Variants in MRPS9 observed in about 807,000 individuals in gnomAD.
MRPS9 encodes small ribosomal subunit protein uS9m.
Under a neutral mutation model 59.9 loss-of-function variants are expected in MRPS9, and 45 were observed. The observed-to-expected ratio is 0.75, with a 90% CI of 0.59 to 0.96. MRPS9 has a LOEUF of 0.96. MRPS9 is among the 40% of genes least tolerant of loss of function. MRPS9 has a pLI of 0.00. For missense variants in MRPS9, 473 were observed against 481.1 expected, an observed-to-expected ratio of 0.98 and a Z score of 0.16; for synonymous variants, 171 against 166.8, an observed-to-expected ratio of 1.03 and a Z score of -0.19.
intron 5 of MRPS9, among the ~76,000 whole-genome samples, chr2:105,082,580 G>A (rs3924668): frequency 0.41 from 62,401 of 152,072 alleles, 12,848 homozygotes; most frequent in East Asian, 0.45. Flanking sequence ...CCTGTTTCCA[G>A]TTGACCTATA....
intron 4 of MRPS9, among the ~76,000 whole-genome samples, chr2:105,072,511 ATACT>A (rs924867345): frequency 4.5e-4 from 69 of 152,224 alleles, no homozygotes; most frequent in African/African-American, 1.5e-3. Flanking sequence ...TATTTATGTA[ATACT>A]TAATTCATGT....
chr2:105,047,313 A>T (rs1298349651), intron 1 of MRPS9, among the ~76,000 whole-genome samples: 1 of 152,104 alleles, frequency 6.6e-6, no homozygotes, highest in Non-Finnish European at 1.5e-5. Flanking sequence ...ATTAAAAAGT[A>T]AGAAGAAACT....
Position 105,079,965 on chromosome 2 carries a change from C to T in MRPS9, c.410-18C>T. ...TGTGTATATTTTTATTTGCTTTCAT[C>T]TGGCTTTTTTAAATCAGCAATCCAG... On this transcript the variant is annotated intron_variant, in intron 4 of 10. Transcript: ENST00000258455. 1 of 1,600,816 alleles carries T rather than the reference C, an allele frequency of 6.2e-7. No homozygotes were observed. The highest frequency in any genetic ancestry group is 8.5e-7 in the Non-Finnish European group (1 of 1,170,948).
chr2:105,083,708 T>G (rs776828755), intron 5 of MRPS9, among the ~76,000 whole-genome samples: 7 of 152,184 alleles, frequency 4.6e-5, no homozygotes, highest in Non-Finnish European at 8.8e-5. Flanking sequence ...AAAGAGGCTC[T>G]GAAGTGGTGT....
At chr2:105,050,497 GCTGCTGTCCT>G (rs1468635824) in intron 2 of MRPS9, among the ~76,000 whole-genome samples, 1 of 152,118 alleles carries the variant, frequency 6.6e-6, no homozygotes, top group Non-Finnish European at 1.5e-5. Flanking sequence ...GGACTTTGTA[GCTGCTGTCCT>G]CTTTTTGAGT....
chr2:105,080,939 T>C (rs953445265), intron 5 of MRPS9, among the ~76,000 whole-genome samples: 5 of 152,148 alleles, frequency 3.3e-5, no homozygotes, highest in Non-Finnish European at 4.4e-5. Flanking sequence ...TCTTTTCGCT[T>C]TTTGTTGACC....
Position 105,070,900 on chromosome 2 carries a change from A to G in MRPS9, c.316-413A>G, listed in dbSNP as rs75405580. 4.2e-4 allele frequency among the ~76,000 whole-genome samples: 64 copies of G among 152,358 alleles called. 1 individual carries two copies. Among genetic ancestry groups the G allele is most frequent in the African/African-American group, 1.5e-3 (62 of 41,584 alleles). ...AAAAGTTGAAAGAACATCTAAAAAC[A>G]TCAGGGGTGTCATGATGGGTGAGAC... is the stretch of plus-strand genomic sequence containing the variant. On this transcript the variant is annotated intron_variant, in intron 2 of 10. Coordinates refer to ENST00000258455, the MANE Select transcript of MRPS9 (RefSeq NM_182640.3).
chr2:105,043,834 T>G (rs1250839404), intron 1 of MRPS9, among the ~76,000 whole-genome samples: 1 of 150,090 alleles, frequency 6.7e-6, no homozygotes, highest in Non-Finnish European at 1.5e-5. Context: ...AAGGTTTCAC[T>G]TTGTTGGCCA....
chr2:105,080,710 A>G (rs1001864587), intron 5 of MRPS9, among the ~76,000 whole-genome samples: 1 of 152,216 alleles, frequency 6.6e-6, no homozygotes, highest in African/African-American at 2.4e-5. Flanking sequence ...AGAACATGAT[A>G]TCAAGTTCTA....
At chr2:105,043,055 A>T (rs184775443) in intron 1 of MRPS9, among the ~76,000 whole-genome samples, 127 of 150,038 alleles carry the variant, frequency 8.5e-4, no homozygotes, top group African/African-American at 2.8e-3. Context: ...AGGTTTTTTT[A>T]AAAAAATAGA....
intron 4 of MRPS9, among the ~76,000 whole-genome samples, chr2:105,077,948 G>C (rs532975122): frequency 3.9e-5 from 6 of 152,188 alleles, no homozygotes; most frequent in South Asian, 2.1e-4. Flanking sequence ...GGAGAAACTT[G>C]TCAAGTCTAG....
chr2:105,087,448 C>T (rs1047460999), intron 5 of MRPS9, among the ~76,000 whole-genome samples: 5 of 152,132 alleles, frequency 3.3e-5, no homozygotes, highest in Admixed American at 1.3e-4. Context: ...CTAGGGACTG[C>T]ACTTTTAGAA....
intron 6 of MRPS9, among the ~76,000 whole-genome samples, chr2:105,089,340 A>G (rs1475932845): frequency 6.6e-6 from 1 of 152,206 alleles, no homozygotes. Flanking sequence ...TTATGTATAT[A>G]GCTGCACATT....
intron 2 of MRPS9, among the ~76,000 whole-genome samples, chr2:105,067,854 G>T (rs1440514461): frequency 2.0e-5 from 3 of 152,062 alleles, no homozygotes; most frequent in Admixed American, 6.5e-5. Context: ...CAGAGACAGG[G>T]TCTTGCTCCA....
At chr2:105,080,149 A>G (rs1680301638) in intron 5 of MRPS9, 87 bp downstream of exon 5, 1 of 855,186 alleles carries the variant, frequency 1.2e-6, no homozygotes. Context: ...TTCAGAATTT[A>G]CCTAGTATTT....
intron 5 of MRPS9, 107 bp downstream of exon 5, chr2:105,080,169 CA>C: frequency 3.1e-6 from 2 of 655,714 alleles, no homozygotes; most frequent in Non-Finnish European, 2.4e-6. Context: ...TTATAATTGA[CA>C]AAAATAAGAC....
At chr2:105,069,281 C>G (rs1217809097) in intron 2 of MRPS9, among the ~76,000 whole-genome samples, 1 of 147,240 alleles carries the variant, frequency 6.8e-6, no homozygotes, top group Non-Finnish European at 1.5e-5. Flanking sequence ...ATGGCGCGAT[C>G]TCAGCTCACT....
At chr2:105,094,684 C>T (rs1484115017) in intron 9 of MRPS9, among the ~76,000 whole-genome samples, 1 of 152,202 alleles carries the variant, frequency 6.6e-6, no homozygotes, top group Non-Finnish European at 1.5e-5. Context: ...TGAATTAGTT[C>T]TGCTATTATC....
At chr2:105,085,219 A>AT (rs779520134) in intron 5 of MRPS9, among the ~76,000 whole-genome samples, 13 of 152,228 alleles carry the variant, frequency 8.5e-5, no homozygotes, top group Non-Finnish European at 1.8e-4. Flanking sequence ...CTTGAGATAC[A>AT]TAGCGTAAAC....
Sources: allele counts gnomAD v4.1 joint callset (sites outside exome capture counted in the v4.1 genomes callset), GRCh38; gene constraint gnomAD v4.1.1; transcripts MANE v1.5; gene names NCBI Gene and HGNC (gene_info 2026-07-23, HGNC 2026-07-21).